Variants in SPATA17 observed in about 807,000 individuals in gnomAD.
SPATA17 encodes the protein spermatogenesis-associated protein 17.
In SPATA17, 53 loss-of-function variants were observed where a neutral mutation model predicts 62.2. That is an observed-to-expected ratio of 0.85 (90% confidence interval 0.68 to 1.07). The LOEUF (loss-of-function observed/expected upper bound fraction) is 1.07. Ranked by LOEUF, SPATA17 falls within the 50% of genes least tolerant of loss-of-function variation. The pLI, the probability that SPATA17 is intolerant of heterozygous loss-of-function variation, is 0.00. For missense variants in SPATA17, 466 were observed against 425.5 expected, an observed-to-expected ratio of 1.10 and a Z score of -0.84; for synonymous variants, 146 against 146.8, an observed-to-expected ratio of 0.99 and a Z score of 0.04.
At chr1:217,842,244 G>T (rs547651369) in intron 9 of SPATA17, among the ~76,000 whole-genome samples, 5 of 151,920 alleles carry the variant, frequency 3.3e-5, no homozygotes, top group African/African-American at 9.6e-5. Flanking sequence ...ATCTATGTTT[G>T]TAAGATAGAT....
chr1:217,748,030 G>T (rs574438427), intron 6 of SPATA17, among the ~76,000 whole-genome samples: 49 of 152,216 alleles, frequency 3.2e-4, no homozygotes, highest in African/African-American at 1.0e-3. Context: ...TTGGCCGGGC[G>T]CGGTGGCTCA....
chr1:217,775,446 T>C (rs1046675959), intron 7 of SPATA17, among the ~76,000 whole-genome samples: 4 of 152,200 alleles, frequency 2.6e-5, no homozygotes, highest in South Asian at 4.1e-4. Context: ...GGTTCACGCC[T>C]GTAATTCCAG....
rs933442019 is a variant in SPATA17 at position 217,868,675 on chromosome 1, T to G, written c.*1656T>G. 2 of 148,078 alleles carry G rather than the reference T, an allele frequency of 1.4e-5. No homozygotes were observed. Among genetic ancestry groups the G allele is most frequent in the Non-Finnish European group, 3.0e-5 (2 of 67,152 alleles). The allele number at this position is 148,078 out of a possible 1,614,324, so 9.2% of individuals were successfully genotyped here. ...GTATCTGAGACAATGTTTTTTTTTT[T>G]TTTTTTTTTTTTTTTAATTTCTGAG... On this transcript the variant is annotated 3_prime_UTR_variant, in exon 11 of 11. Transcript: ENST00000366933.
chr1:217,683,096 C>T (rs1012913460), intron 4 of SPATA17, among the ~76,000 whole-genome samples, 162 bp from the exon 5 acceptor site: 1 of 151,574 alleles, frequency 6.6e-6, no homozygotes, highest in African/African-American at 2.4e-5. Flanking sequence ...AATTTATGAG[C>T]AGAACCTATA....
At chr1:217,639,023 A>G (rs1468094422) in intron 1 of SPATA17, among the ~76,000 whole-genome samples, 1 of 152,048 alleles carries the variant, frequency 6.6e-6, no homozygotes, top group Non-Finnish European at 1.5e-5. Context: ...GGGAGTGGGG[A>G]AGAGATAGAA....
At chr1:217,762,880 G>A (rs1207286898) in intron 6 of SPATA17, among the ~76,000 whole-genome samples, 1 of 152,136 alleles carries the variant, frequency 6.6e-6, no homozygotes, top group Non-Finnish European at 1.5e-5. Flanking sequence ...GCTGAGGTGG[G>A]AGAATTACTT....
At chr1:217,659,173 AC>A (rs1210665964) in intron 3 of SPATA17, among the ~76,000 whole-genome samples, 2 of 149,476 alleles carry the variant, frequency 1.3e-5, no homozygotes, top group East Asian at 3.9e-4. Flanking sequence ...TTTAAAGGAG[AC>A]TTTGCCCATC....
chr1:217,700,393 T>G (rs995939828), intron 5 of SPATA17, among the ~76,000 whole-genome samples: 4 of 152,198 alleles, frequency 2.6e-5, no homozygotes, highest in Admixed American at 6.5e-5. Context: ...TATATATGCT[T>G]TAAATCTAAT....
intron 1 of SPATA17, among the ~76,000 whole-genome samples, chr1:217,634,894 CTTTTTG>C (rs763197847): frequency 2.5e-5 from 3 of 122,366 alleles, no homozygotes; most frequent in Non-Finnish European, 3.5e-5. Flanking sequence ...GAGTATTGGC[CTTTTTG>C]TTGTTGTTGT....
intron 9 of SPATA17, among the ~76,000 whole-genome samples, chr1:217,808,841 G>A (rs949452777): frequency 2.6e-4 from 38 of 148,400 alleles, no homozygotes; most frequent in African/African-American, 7.9e-4. Context: ...GTGACAGAGC[G>A]AGACTCTGTC....
intron 9 of SPATA17, among the ~76,000 whole-genome samples, chr1:217,805,961 A>C (rs568753057): frequency 6.6e-6 from 1 of 152,326 alleles, no homozygotes; most frequent in South Asian, 2.1e-4. Context: ...GAAATACCAT[A>C]TAATCAGATA....
chr1:217,775,034 ATGG>A (rs1179308992), intron 7 of SPATA17, among the ~76,000 whole-genome samples: 2 of 152,166 alleles, frequency 1.3e-5, no homozygotes, highest in Non-Finnish European at 2.9e-5. Flanking sequence ...GCCAGATTAT[ATGG>A]TAATTATATT....
chr1:217,676,439 A>G (rs151061205), intron 4 of SPATA17, among the ~76,000 whole-genome samples: 146 of 152,186 alleles, frequency 9.6e-4, no homozygotes, highest in African/African-American at 3.1e-3. Flanking sequence ...TGAAGCATCA[A>G]TGGAAAAGAA....
intron 9 of SPATA17, among the ~76,000 whole-genome samples, chr1:217,834,116 C>A (rs756480686): frequency 6.6e-6 from 1 of 152,080 alleles, no homozygotes; most frequent in African/African-American, 2.4e-5. Context: ...TTAAACATCA[C>A]GTAGAGATGT....
intron 8 of SPATA17, among the ~76,000 whole-genome samples, chr1:217,789,045 G>T (rs527885740): frequency 3.3e-5 from 5 of 152,192 alleles, no homozygotes; most frequent in South Asian, 2.1e-4. Context: ...TTAAAAAAAT[G>T]TAACAGTGAC....
intron 8 of SPATA17, among the ~76,000 whole-genome samples, chr1:217,790,607 AT>A (rs1399253962): frequency 6.6e-6 from 1 of 151,952 alleles, no homozygotes; most frequent in African/African-American, 2.4e-5. Context: ...TGCCCGGCTA[AT>A]TTTTTGTATT....
At chr1:217,714,485 T>A (rs1671951845) in intron 5 of SPATA17, among the ~76,000 whole-genome samples, 1 of 140,008 alleles carries the variant, frequency 7.1e-6, no homozygotes, top group South Asian at 2.2e-4. Flanking sequence ...GGAAAACGTG[T>A]TTCTTTTTTT....
chr1:217,763,067 T>C (rs1453517052), intron 6 of SPATA17, among the ~76,000 whole-genome samples: 4 of 152,198 alleles, frequency 2.6e-5, no homozygotes, highest in Admixed American at 6.5e-5. Context: ...AGCTTGAACA[T>C]CAGTATTTTT....
intron 5 of SPATA17, among the ~76,000 whole-genome samples, chr1:217,688,505 C>T (rs1671274793): frequency 6.6e-6 from 1 of 152,198 alleles, no homozygotes; most frequent in Non-Finnish European, 1.5e-5. Context: ...CCAACTCTCC[C>T]TGTTGCTTTT....
Sources: gnomAD v4.1 joint callset for allele counts (sites outside exome capture counted in the v4.1 genomes callset) on GRCh38, gnomAD v4.1.1 for gene constraint, MANE v1.5 for transcripts, NCBI Gene and HGNC (gene_info 2026-07-23, HGNC 2026-07-21) for gene names.